The following CDK12 variants were observed in gnomAD, a reference collection of about 807,000 sequenced individuals.
CDK12 encodes cyclin-dependent kinase 12.
CDK12 carries 17 observed loss-of-function variants against 133.8 expected under a neutral mutation model. That is an observed-to-expected ratio of 0.13 (90% CI 0.09 to 0.19). The LOEUF (loss-of-function observed/expected upper bound fraction) is 0.19, where lower values mean the gene tolerates loss of function less well. Among genes scored for constraint, CDK12 ranks in the 10% least tolerant of loss-of-function variants. The probability of loss-of-function intolerance (pLI) is 1.00; values close to 1 mark genes in which losing one functional copy is unlikely to be tolerated. For synonymous variants in CDK12, 694 were observed against 683.6 expected, an observed-to-expected ratio of 1.02 and a Z score of -0.24; for missense variants, 1,508 against 1,818.7, an observed-to-expected ratio of 0.83 and a Z score of 3.11.
At chr17:39,476,798 C>A (rs1460136717) in intron 2 of CDK12, among the ~76,000 whole-genome samples, 2 of 135,558 alleles carry the variant, frequency 1.5e-5, no homozygotes, top group African/African-American at 5.5e-5. Context: ...TCTCAGCTCA[C>A]GCAACCTCCG....
At position 39,462,033 on chromosome 17, in the gene CDK12, G is replaced by T. The variant is rs1189268407; in HGVS notation, c.-39G>T. ...GGTGGGGGTTGCTTTTTGGAGTGCT[G>T]GGGAACTTTTTTCCCTTCTTCAGGT... On this transcript the variant is annotated 5_prime_UTR_variant, in exon 1 of 14. Coordinates refer to ENST00000447079, the MANE Select transcript of CDK12 (RefSeq NM_016507.4). 6.4e-6 allele frequency: 10 copies of T among 1,559,820 alleles called. No homozygotes were observed. The highest frequency in any genetic ancestry group is 8.8e-6 in the Non-Finnish European group (10 of 1,140,584).
At chr17:39,499,755 C>T (rs1225610134) in intron 5 of CDK12, among the ~76,000 whole-genome samples, 1 of 151,988 alleles carries the variant, frequency 6.6e-6, no homozygotes, top group Non-Finnish European at 1.5e-5. Context: ...CTCAGGCAAT[C>T]CTTCTGCCTT....
chr17:39,467,129 T>C (rs1462435856), intron 1 of CDK12, among the ~76,000 whole-genome samples: 1 of 151,702 alleles, frequency 6.6e-6, no homozygotes, highest in Non-Finnish European at 1.5e-5. Flanking sequence ...CAGGCGCGCG[T>C]CACCATGCCC....
downstream of CDK12, among the ~76,000 whole-genome samples, chr17:39,566,301 C>G (rs1158183708): frequency 6.6e-6 from 1 of 152,104 alleles, no homozygotes; most frequent in Non-Finnish European, 1.5e-5. Context: ...CTCTGGTCTT[C>G]CATTAGTTTG....
intron 6 of CDK12, among the ~76,000 whole-genome samples, chr17:39,506,212 ATTT>A (rs1177367409): frequency 1.7e-5 from 2 of 119,758 alleles, no homozygotes; most frequent in Non-Finnish European, 1.7e-5. Flanking sequence ...TGATTATATG[ATTT>A]TTTTTTTTTT....
chr17:39,529,974 T>C (rs2054726603), intron 13 of CDK12: 1 of 152,202 alleles, frequency 6.6e-6, no homozygotes, highest in South Asian at 2.1e-4. Context: ...AATGATAATA[T>C]GGTAGTTACA....
At position 39,531,413 on chromosome 17, in the gene CDK12, TC is replaced by T; in HGVS notation, c.*98del. The T allele has an allele frequency of 1.6e-6, 2 of 1,219,626 alleles. No individual in the cohort carries two copies. The highest frequency in any genetic ancestry group is 4.6e-4 in the Middle Eastern group (2 of 4,380). The allele number at this position is 1,219,626 out of a possible 1,614,324, so 75.6% of individuals were successfully genotyped here. A position where few individuals can be genotyped will look rare whatever the true frequency, so the allele number is the denominator to read the frequency against. ...GAAATCATTTGCCAGAGCGAGGTAA[TC>T]ATCTGCATTTGGCTACTGCAAAGCT... On this transcript the variant is annotated 3_prime_UTR_variant, in exon 14 of 14. Transcript: ENST00000447079.
At chr17:39,515,649 T>C (rs1416413925) in intron 8 of CDK12, 82 bp from the exon 9 acceptor site, 15 of 804,742 alleles carry the variant, frequency 1.9e-5, no homozygotes, top group African/African-American at 1.0e-4. Flanking sequence ...ATCCGACATA[T>C]CAATAATGTA....
intron 6 of CDK12, among the ~76,000 whole-genome samples, chr17:39,503,827 C>G (rs1301121128): frequency 6.6e-6 from 1 of 151,982 alleles, no homozygotes; most frequent in Non-Finnish European, 1.5e-5. Context: ...AGGAAGAGAG[C>G]GAACAGGTGG....
In CDK12 at chr17:39,512,038, G is replaced by T. The variant is rs559568702; in HGVS notation, c.2768+408G>T. 8.5e-5 allele frequency among the ~76,000 whole-genome samples: 13 copies of T among 152,246 alleles called. No homozygotes were observed. In the South Asian group the frequency reaches 2.7e-3, roughly 32 times the overall value. On this transcript the variant is annotated intron_variant, in intron 8 of 13. Transcript: ENST00000447079. Reference sequence around the variant, plus strand: ...TTTTATAGTCTGGATTTCGCAGATTGTATCCTTGTGATGATATATATGTAT... The same window carrying T: ...TTTTATAGTCTGGATTTCGCAGATTTTATCCTTGTGATGATATATATGTAT...
At chr17:39,546,406 G>C (rs935724744), upstream of CDK12, among the ~76,000 whole-genome samples, 2 of 151,370 alleles carry the variant, frequency 1.3e-5, no homozygotes, top group Admixed American at 1.3e-4. Context: ...GGATGGTCTC[G>C]ATCTCTTGAC....
At chr17:39,489,952 A>T (rs942523108) in intron 2 of CDK12, among the ~76,000 whole-genome samples, 1 of 151,684 alleles carries the variant, frequency 6.6e-6, no homozygotes, top group Non-Finnish European at 1.5e-5. Flanking sequence ...ATTTTATTTC[A>T]TCTCAATAAA....
Position 39,504,879 on chromosome 17 carries a change from C to CAAAAAAA in CDK12, c.2609+3454_2609+3460dup, listed in dbSNP as rs141083545. Among the ~76,000 whole-genome samples the CAAAAAAA allele has an allele frequency of 1.9e-4, 8 of 42,454 alleles. 1 individual carries two copies. The highest frequency in any genetic ancestry group is 1.8e-3 in the South Asian group (1 of 568). 27.9% of individuals were successfully genotyped at this position (42,454 alleles called of 152,430 possible). A position where few individuals can be genotyped will look rare whatever the true frequency, so the allele number is the denominator to read the frequency against. On this transcript the variant is annotated intron_variant, in intron 6 of 13. Coordinates refer to ENST00000447079, the MANE Select transcript of CDK12 (RefSeq NM_016507.4). ...TGGGTGACAGAACAAGACCCTGTCTCAAAAAAAAAAAAAAAAAAAACGCTA... is the reference window on the plus strand; with the variant it reads ...TGGGTGACAGAACAAGACCCTGTCTCAAAAAAAAAAAAAAAAAAAAAAAAAAACGCTA...
intron 6 of CDK12, among the ~76,000 whole-genome samples, chr17:39,507,686 C>T (rs1270554261): frequency 1.3e-5 from 2 of 152,190 alleles, no homozygotes; most frequent in African/African-American, 2.4e-5. Context: ...ACACTGATTT[C>T]TGTAACTATA....
upstream of CDK12, among the ~76,000 whole-genome samples, chr17:39,545,802 C>T (rs780768327): frequency 4.9e-5 from 7 of 141,516 alleles, no homozygotes; most frequent in Non-Finnish European, 7.7e-5. Flanking sequence ...TCCTTCCTTC[C>T]TTTTTTTTTT....
intron 6 of CDK12, among the ~76,000 whole-genome samples, chr17:39,507,859 CT>C (rs2053232865): frequency 6.6e-6 from 1 of 152,142 alleles, no homozygotes; most frequent in East Asian, 1.9e-4. Flanking sequence ...ATAAATTGAA[CT>C]TAATGTAATG....
intron 5 of CDK12, among the ~76,000 whole-genome samples, chr17:39,496,886 T>A (rs2052159183): frequency 6.7e-6 from 1 of 149,090 alleles, no homozygotes; most frequent in Admixed American, 6.7e-5. Context: ...TCCATCTCAG[T>A]GTATCCTCCC....
chr17:39,466,527 T>A (rs2049321064), intron 1 of CDK12, among the ~76,000 whole-genome samples: 2 of 143,600 alleles, frequency 1.4e-5, no homozygotes, highest in Admixed American at 1.5e-4. Flanking sequence ...GGCAGGAGAA[T>A]TGCTTGAACC....
chr17:39,469,101 C>T (rs1340344870), intron 1 of CDK12, among the ~76,000 whole-genome samples: 2 of 152,220 alleles, frequency 1.3e-5, no homozygotes, highest in Non-Finnish European at 2.9e-5. Context: ...GCTGGGATTA[C>T]AGGCGTGAGC....
Sources: gnomAD v4.1 joint callset for allele counts (sites outside exome capture counted in the v4.1 genomes callset) on GRCh38, gnomAD v4.1.1 for gene constraint, MANE v1.5 for transcripts, NCBI Gene and HGNC (gene_info 2026-07-23, HGNC 2026-07-21) for gene names.